Variants in XKR4 observed in about 807,000 individuals in gnomAD.
The protein encoded by XKR4 is XK related 4, also known as XK-related protein 4.
In XKR4, 12 loss-of-function variants were observed where a neutral mutation model predicts 53.9. The ratio of observed to expected loss-of-function variants is 0.22; its 90% CI spans 0.14 to 0.36. The LOEUF (loss-of-function observed/expected upper bound fraction) is 0.36. XKR4 is among the 10% of genes least tolerant of loss of function. XKR4 has a pLI of 1.00. For synonymous variants in XKR4, 354 were observed against 362.4 expected (o/e 0.98, Z 0.26); for missense variants, 799 against 859.5 (o/e 0.93, Z 0.88).
chr8:55,451,483 T>A (rs1228803084), intron 2 of XKR4: 7 of 1,186,956 alleles, frequency 5.9e-6, no homozygotes. Flanking sequence ...CGAGTCTGCC[T>A]GGAACTGGCC....
intron 2 of XKR4, chr8:55,449,584 G>A (rs2129395984): frequency 4.6e-6 from 6 of 1,308,596 alleles, no homozygotes; most frequent in Non-Finnish European, 5.5e-6. Flanking sequence ...CACAAAAGTC[G>A]TAAACGCGAG....
At chr8:55,105,807 G>C (rs908609807) in intron 1 of XKR4, among the ~76,000 whole-genome samples, 1 of 152,136 alleles carries the variant, frequency 6.6e-6, no homozygotes, top group African/African-American at 2.4e-5. Flanking sequence ...AGTTGGAAAG[G>C]GATAAGAAAG....
intron 1 of XKR4, among the ~76,000 whole-genome samples, chr8:55,134,268 T>C (rs962265291): frequency 6.6e-6 from 1 of 152,192 alleles, no homozygotes; most frequent in African/African-American, 2.4e-5. Flanking sequence ...CTTCCTTTCT[T>C]TTCTGTTTTT....
At chr8:55,489,571 A>C (rs1156565892) in intron 2 of XKR4, among the ~76,000 whole-genome samples, 2 of 152,094 alleles carry the variant, frequency 1.3e-5, no homozygotes, top group Non-Finnish European at 2.9e-5. Flanking sequence ...TTACCCTCTT[A>C]GACCTCAGTC....
rs145204375 is a variant in XKR4 at position 55,142,509 on chromosome 8, A to G, written c.806+39215A>G. On this transcript the variant is annotated intron_variant, in intron 1 of 2. Transcript: ENST00000327381. ...ATGTTCAAAATGAAGAGATTTCTATATTTTAAAATATAAATGCTTACTCAA... is the reference window on the plus strand; with the variant it reads ...ATGTTCAAAATGAAGAGATTTCTATGTTTTAAAATATAAATGCTTACTCAA... Among the ~76,000 whole-genome samples, 518 of 152,348 alleles carry G rather than the reference A, an allele frequency of 3.4e-3. 3 individuals are homozygous for G. The highest frequency in any genetic ancestry group is 0.012 in the African/African-American group (503 of 41,572).
intron 1 of XKR4, among the ~76,000 whole-genome samples, chr8:55,186,361 A>C (rs1236793880): frequency 6.6e-6 from 1 of 152,224 alleles, no homozygotes; most frequent in Admixed American, 6.5e-5. Flanking sequence ...TTGCCTTTAA[A>C]AATTCAAATA....
intron 1 of XKR4, among the ~76,000 whole-genome samples, chr8:55,147,437 G>A (rs1342801923): frequency 6.6e-6 from 1 of 152,198 alleles, no homozygotes; most frequent in African/African-American, 2.4e-5. Context: ...ACTTAGGGAG[G>A]AGAGCTAATA....
chr8:55,335,239 A>G (rs1306572966), intron 1 of XKR4, among the ~76,000 whole-genome samples: 1 of 152,168 alleles, frequency 6.6e-6, no homozygotes, highest in East Asian at 1.9e-4. Context: ...AAATTCACTA[A>G]ACAAATTATT....
intron 1 of XKR4, among the ~76,000 whole-genome samples, chr8:55,310,039 G>A (rs1186970354): frequency 2.0e-5 from 3 of 152,032 alleles, no homozygotes; most frequent in African/African-American, 7.2e-5. Context: ...ATATTTGTGT[G>A]TGCATGTGTG....
intron 1 of XKR4, among the ~76,000 whole-genome samples, chr8:55,329,116 C>T (rs535722992): frequency 6.6e-6 from 1 of 152,210 alleles, no homozygotes; most frequent in Non-Finnish European, 1.5e-5. Flanking sequence ...GTTTTCTTTT[C>T]AACCGTGAAA....
chr8:55,211,430 G>C (rs980741919), intron 1 of XKR4, among the ~76,000 whole-genome samples: 1 of 152,260 alleles, frequency 6.6e-6, no homozygotes, highest in Admixed American at 6.5e-5. Context: ...CAACTTCTTT[G>C]ACAGGTGTCT....
chr8:55,277,836 G>A (rs1818785373), intron 1 of XKR4, among the ~76,000 whole-genome samples: 1 of 152,132 alleles, frequency 6.6e-6, no homozygotes, highest in Non-Finnish European at 1.5e-5. Flanking sequence ...ATTGCTAAAT[G>A]AAATATATTC....
intron 2 of XKR4, among the ~76,000 whole-genome samples, chr8:55,512,588 C>A (rs1478030715): frequency 6.6e-6 from 1 of 152,208 alleles, no homozygotes; most frequent in African/African-American, 2.4e-5. Context: ...GTCTTCCATA[C>A]TGATTTTTCA....
intron 1 of XKR4, among the ~76,000 whole-genome samples, chr8:55,154,035 T>C (rs1279079307): frequency 2.0e-5 from 3 of 152,162 alleles, no homozygotes; most frequent in Non-Finnish European, 4.4e-5. Flanking sequence ...TTCTTTCAGC[T>C]CCAGGCACAG....
intron 1 of XKR4, among the ~76,000 whole-genome samples, chr8:55,223,648 TC>T (rs1417309313): frequency 6.6e-6 from 1 of 152,240 alleles, no homozygotes; most frequent in Non-Finnish European, 1.5e-5. Context: ...ATATGATTGC[TC>T]ACCTTCACTG....
intron 1 of XKR4, among the ~76,000 whole-genome samples, chr8:55,215,034 A>G (rs1373664857): frequency 6.6e-6 from 1 of 151,682 alleles, no homozygotes; most frequent in Non-Finnish European, 1.5e-5. Context: ...TAACATCTTT[A>G]TCATTTGCCT....
At position 55,103,406 on chromosome 8, in the gene XKR4, C is replaced by T. The variant is rs532624515; in HGVS notation, c.806+112C>T. ...TGCTTTGGTAGTAACCCTAGTCACA[C>T]TCTTCCAGTTTTTTGGGTTTCTTTT... On this transcript the variant is annotated intron_variant, in intron 1 of 2. Coordinates refer to ENST00000327381, the MANE Select transcript of XKR4 (RefSeq NM_052898.2). 13 of 1,463,552 alleles carry T rather than the reference C, an allele frequency of 8.9e-6. No individual in the cohort carries two copies. In the African/African-American group the frequency reaches 1.8e-4, roughly 21 times the overall value. The allele number at this position is 1,463,552 out of a possible 1,614,324, so 90.7% of individuals were successfully genotyped here.
At chr8:55,384,719 A>C (rs576930107) in intron 2 of XKR4, among the ~76,000 whole-genome samples, 8 of 152,230 alleles carry the variant, frequency 5.3e-5, no homozygotes, top group Non-Finnish European at 1.0e-4. Context: ...AATGATAGTA[A>C]ATGTAAGCTG....
intron 2 of XKR4, among the ~76,000 whole-genome samples, chr8:55,369,702 G>C (rs1804046603): frequency 6.6e-6 from 1 of 151,648 alleles, no homozygotes; most frequent in African/African-American, 2.4e-5. Context: ...ATCAATATTG[G>C]ATACCAGTTT....
Sources: allele counts gnomAD v4.1 joint callset (sites outside exome capture counted in the v4.1 genomes callset), GRCh38; gene constraint gnomAD v4.1.1; transcripts MANE v1.5; gene names NCBI Gene and HGNC (gene_info 2026-07-23, HGNC 2026-07-21).